The following SHBG variants were observed in gnomAD, a reference collection of about 807,000 sequenced individuals.
The protein encoded by SHBG is sex hormone binding globulin.
In SHBG, 37 loss-of-function variants were observed where a neutral mutation model predicts 41.9. That is an observed-to-expected ratio of 0.88 (90% CI 0.68 to 1.16). The LOEUF (loss-of-function observed/expected upper bound fraction) is 1.16. Ranked by LOEUF, SHBG falls within the 50% of genes most tolerant of loss-of-function variation. SHBG has a pLI of 0.00. For missense variants in SHBG, 466 were observed against 499.9 expected (o/e 0.93, Z 0.65); for synonymous variants, 217 against 205.8 (o/e 1.05, Z -0.47).
chr17:7,621,229 A>T lies in SHBG; in HGVS notation c.-62+7118A>T, dbSNP rs1455561381. Among the ~76,000 whole-genome samples, 6 of 141,426 alleles carry T rather than the reference A, an allele frequency of 4.2e-5. 1 individual carries two copies. Among genetic ancestry groups the T allele is most frequent in the Non-Finnish European group, 6.2e-5 (4 of 64,196 alleles). 92.8% of individuals were successfully genotyped at this position (141,426 alleles called of 152,430 possible). A position where few individuals can be genotyped will look rare whatever the true frequency, so the allele number is the denominator to read the frequency against. ...GGCAAATGTATTATCATTTATGTGG[A>T]TGGAGGATTGCTTGAGGCCAGGATT... On this transcript the variant is annotated intron_variant, in intron 1 of 5. Transcript: ENST00000570547.
rs577296912 is a variant in SHBG, at chr17:7,617,293, T to G, written c.-62+3182T>G. ...AAGACACTGGAAAAATTATTAATAT[T>G]TATAATAATTATTAATATTGCAACC... is the stretch of plus-strand genomic sequence containing the variant. On this transcript the variant is annotated intron_variant, in intron 1 of 5. Transcript: ENST00000570547. 2.0e-5 allele frequency among the ~76,000 whole-genome samples: 3 copies of G among 152,044 alleles called. No homozygotes were observed. The South Asian group carries it at 6.2e-4, about 32-fold the overall frequency.
chr17:7,625,975 G>A (rs148041790), upstream of SHBG, among the ~76,000 whole-genome samples: 5 of 151,060 alleles, frequency 3.3e-5, no homozygotes, highest in East Asian at 2.0e-4. Context: ...AGGCCGAGGC[G>A]GACGGATCAC....
chr17:7,625,849 C>A (rs1253136689), upstream of SHBG, among the ~76,000 whole-genome samples: 1 of 150,774 alleles, frequency 6.6e-6, no homozygotes, highest in African/African-American at 2.4e-5. Context: ...CAAGATCAAA[C>A]CTTTGCACTC....
At chr17:7,626,954 G>A, upstream of SHBG, 1 of 1,613,614 alleles carries the variant, frequency 6.2e-7, no homozygotes, top group East Asian at 2.2e-5. Context: ...CCGATATTCC[G>A]GCATCACATA....
upstream of SHBG, chr17:7,627,013 A>T: frequency 6.2e-7 from 1 of 1,613,976 alleles, no homozygotes; most frequent in Non-Finnish European, 8.5e-7. The surrounding 1 kb of genome is among the most constrained non-coding windows in gnomAD (Gnocchi z 4.8). Context: ...TGTAGATGAA[A>T]TAGTATATCC....
chr17:7,626,614 C>T, upstream of SHBG: 1 of 1,612,118 alleles, frequency 6.2e-7, no homozygotes, highest in South Asian at 1.1e-5. Context: ...TCCAAGGCCA[C>T]CTGTGGGAGA....
intron 1 of SHBG, among the ~76,000 whole-genome samples, chr17:7,619,204 A>G (rs2072045424): frequency 6.6e-6 from 1 of 151,958 alleles, no homozygotes; most frequent in Non-Finnish European, 1.5e-5. Context: ...CAGCCTGACC[A>G]ACATGGAGAA....
chr17:7,631,509 A>C, intron 4 of SHBG, 80 bp from the exon 5 acceptor site: 1 of 1,574,634 alleles, frequency 6.4e-7, no homozygotes, highest in Non-Finnish European at 8.7e-7. Context: ...AGGGGAGTCA[A>C]CTGAGGGCAG....
At position 7,630,842 on chromosome 17, in the gene SHBG, A is replaced by G. The variant is rs773107642; in HGVS notation, c.366A>G (p.Pro122=). 7.4e-6 allele frequency: 12 copies of G among 1,613,622 alleles called. No individual in the cohort carries two copies. The highest frequency in any genetic ancestry group is 1.0e-5 in the Non-Finnish European group (12 of 1,180,010). The change falls in exon 3 of 8, where the codon CCA becomes CCG. Residue 122 remains proline, a synonymous_variant. Transcript: ENST00000380450. This position sits in a 1 kb window ranked among gnomAD's most constrained non-coding sequence, Gnocchi z 4.6. ...HWAQLTVGAG[P]RLDDGRWHQV... is the part of the protein sequence containing the mutation. ...CCCAGCTTACGGTGGGTGCTGGACCACGGCTGGATGATGGGAGATGGCACC... is the reference window on the plus strand; with the variant it reads ...CCCAGCTTACGGTGGGTGCTGGACCGCGGCTGGATGATGGGAGATGGCACC...
intron 1 of SHBG, among the ~76,000 whole-genome samples, chr17:7,616,037 C>G (rs961518017): frequency 6.6e-6 from 1 of 152,034 alleles, no homozygotes; most frequent in Non-Finnish European, 1.5e-5. Flanking sequence ...CGCGGTGGCT[C>G]AGGCCTGTAA....
chr17:7,617,622 C>CA (rs1425367390), intron 1 of SHBG, among the ~76,000 whole-genome samples: 6 of 151,238 alleles, frequency 4.0e-5, no homozygotes, highest in African/African-American at 1.5e-4. Flanking sequence ...AAATAAAAAA[C>CA]AAAAATAAAT....
At chr17:7,614,729 G>A in intron 1 of SHBG, 2 of 265,618 alleles carry the variant, frequency 7.5e-6, no homozygotes, top group South Asian at 1.5e-4. Context: ...CCCGTCCGCC[G>A]CCGCCGCCTT....
At chr17:7,626,907 T>C, upstream of SHBG, 1 of 1,597,916 alleles carries the variant, frequency 6.3e-7, no homozygotes, top group African/African-American at 1.3e-5. Flanking sequence ...TGTGGGGTGC[T>C]TTGCTCCCAC....
At chr17:7,627,200 T>G, upstream of SHBG, 1 of 1,614,074 alleles carries the variant, frequency 6.2e-7, no homozygotes, top group Non-Finnish European at 8.5e-7. This position sits in a 1 kb window ranked among gnomAD's most constrained non-coding sequence, Gnocchi z 4.8. Flanking sequence ...TAGAAAGGAT[T>G]GTCTCCAAAG....
intron 1 of SHBG, among the ~76,000 whole-genome samples, chr17:7,616,379 G>A (rs1182134592): frequency 2.0e-5 from 3 of 149,620 alleles, no homozygotes; most frequent in South Asian, 2.1e-4. Context: ...AGGCCGAGAC[G>A]GGCGGATCAC....
At chr17:7,630,039 G>T (rs1446599689), upstream of SHBG, 1 of 776,218 alleles carries the variant, frequency 1.3e-6, no homozygotes, top group African/African-American at 1.7e-5. This position sits in a 1 kb window ranked among gnomAD's most constrained non-coding sequence, Gnocchi z 4.6. Flanking sequence ...AGGGGTCAAG[G>T]GTCAGTGCCC....
At chr17:7,615,624 G>C (rs2071966130) in intron 1 of SHBG, among the ~76,000 whole-genome samples, 1 of 148,612 alleles carries the variant, frequency 6.7e-6, no homozygotes. Context: ...TTCGAGACCA[G>C]CGTGGCCAAA....
At position 7,630,908 on chromosome 17, in the gene SHBG, G is replaced by T; in HGVS notation, c.393+39G>T. ...GGTCCTCAGGGGAGGGATGTCTGGA[G>T]CTGGTCTGAGGAAAGGGAACAAAAC... On this transcript the variant is annotated intron_variant, in intron 3 of 7. Coordinates refer to ENST00000380450, the MANE Select transcript of SHBG (RefSeq NM_001040.5). This position sits in a 1 kb window ranked among gnomAD's most constrained non-coding sequence, Gnocchi z 4.6. The T allele has an allele frequency of 6.3e-7, 1 of 1,587,514 alleles. No individual in the cohort carries two copies. Among genetic ancestry groups the T allele is most frequent in the Non-Finnish European group, 8.6e-7 (1 of 1,160,078 alleles).
In SHBG at chr17:7,630,199, C is replaced by T; in HGVS notation, c.27C>T (p.Thr9=). 1 of 1,613,770 alleles carries T rather than the reference C, an allele frequency of 6.2e-7. No individual in the cohort carries two copies. The part of the protein sequence containing the change: MESRGPLA[T]SRLLLLLLLL... ...TGGAGAGCAGAGGCCCACTGGCTACCTCGCGCCTGCTGCTGTTGCTGCTGT... is the reference window on the plus strand; with the variant it reads ...TGGAGAGCAGAGGCCCACTGGCTACTTCGCGCCTGCTGCTGTTGCTGCTGT... Residue 9 remains threonine (T), a synonymous_variant, in exon 1 of 8, where the codon ACC becomes ACT. Transcript: ENST00000380450. The surrounding 1 kb of genome is among the most constrained non-coding windows in gnomAD (Gnocchi z 4.6).
Sources: allele counts gnomAD v4.1 joint callset (sites outside exome capture counted in the v4.1 genomes callset), GRCh38; gene constraint gnomAD v4.1.1; non-coding constraint Gnocchi (gnomAD v3.1); transcripts MANE v1.5; gene names NCBI Gene and HGNC (gene_info 2026-07-23, HGNC 2026-07-21).